The following NOX5 variants were observed in gnomAD, a reference collection of about 807,000 sequenced individuals.
NOX5 encodes NADPH oxidase 5, also known as NADPH oxidase, EF-hand calcium binding domain 5.
In NOX5, 76 loss-of-function variants were observed where a neutral mutation model predicts 85.7. The ratio of observed to expected loss-of-function variants is 0.89; its 90% CI spans 0.74 to 1.07. The LOEUF (loss-of-function observed/expected upper bound fraction) is 1.07, where lower values mean the gene tolerates loss of function less well. NOX5 is among the 50% of genes least tolerant of loss of function. The pLI is 0.00. For synonymous variants in NOX5, 405 were observed against 401.4 expected, an observed-to-expected ratio of 1.01 and a Z score of -0.11; for missense variants, 973 against 999.5, an observed-to-expected ratio of 0.97 and a Z score of 0.36.
chr15:69,050,102 A>G (rs1047886921), intron 14 of NOX5, among the ~76,000 whole-genome samples: 1 of 152,152 alleles, frequency 6.6e-6, no homozygotes, highest in African/African-American at 2.4e-5. Context: ...GTTCCGTCTG[A>G]CGTCTTTCAC....
intron 10 of NOX5, chr15:69,046,122 A>G (rs978597872): frequency 6.6e-6 from 1 of 152,250 alleles, no homozygotes; most frequent in Admixed American, 6.5e-5. Flanking sequence ...TGCTTCCTTC[A>G]CCTTCCAGAA....
At chr15:69,019,206 C>T (rs929146018) in intron 1 of NOX5, among the ~76,000 whole-genome samples, 3 of 152,144 alleles carry the variant, frequency 2.0e-5, no homozygotes, top group Non-Finnish European at 4.4e-5. Flanking sequence ...ACGAGGTACT[C>T]CCTCCTCCTC....
At position 69,026,627 on chromosome 15, in the gene NOX5, C is replaced by G. The variant is rs1025861875; in HGVS notation, c.150C>G (p.Phe50Leu). The G allele has an allele frequency of 3.7e-6, 6 of 1,614,030 alleles. No homozygotes were observed. In the East Asian group the frequency reaches 1.3e-4, roughly 36 times the overall value. Residue 50 changes from phenylalanine to leucine, a missense_variant, in exon 2 of 16, where the codon TTC becomes TTG. Coordinates refer to ENST00000388866, the MANE Select transcript of NOX5 (RefSeq NM_024505.4). ...GEDGEISLQE[F>L]KAALHVKESF... ...ATGGGGAGATCAGCCTGCAAGAATT[C>G]AAAGCAGCTCTGCATGTGAAAGAGG...
At chr15:69,054,093 C>G (rs531280065) in intron 14 of NOX5, among the ~76,000 whole-genome samples, 1 of 152,264 alleles carries the variant, frequency 6.6e-6, no homozygotes, top group Non-Finnish European at 1.5e-5. Flanking sequence ...AGGTGATCGT[C>G]AGTCAGCTCA....
At chr15:69,022,542 C>T in intron 1 of NOX5, 1 of 169,440 alleles carries the variant, frequency 5.9e-6, no homozygotes, top group Non-Finnish European at 1.3e-5. Context: ...TTCTGATAAA[C>T]ACAGCACCTC....
chr15:69,046,281 G>T (rs565136981), intron 10 of NOX5: 1 of 152,826 alleles, frequency 6.5e-6, no homozygotes, highest in African/African-American at 2.4e-5. Flanking sequence ...GTGAGCCAGG[G>T]GAGGCCCTGG....
chr15:69,055,406 A>C lies in NOX5; in HGVS notation c.2072A>C (p.Gln691Pro). The C allele has an allele frequency of 1.2e-6, 2 of 1,614,228 alleles. No homozygotes were observed. Among genetic ancestry groups the C allele is most frequent in the South Asian group, 1.1e-5 (1 of 91,084 alleles). Residue 691 changes from glutamine to proline, a missense_variant, in exon 15 of 16, where the codon CAG becomes CCG. Gln to Pro is a moderately conservative substitution (Grantham distance 76). Coordinates refer to ENST00000388866, the MANE Select transcript of NOX5 (RefSeq NM_024505.4). ...GKNDMKAIGL[Q>P]MALDLLANKE... ...AATGACATGAAGGCCATTGGCCTGC[A>C]GATGGCCCTTGACCTCCTGGCCAAC...
chr15:69,045,568 C>CTTTCTTTCTTTCTTTG (rs1555437242), intron 10 of NOX5, among the ~76,000 whole-genome samples: 1 of 48,374 alleles, frequency 2.1e-5, no homozygotes, highest in Non-Finnish European at 4.0e-5. Flanking sequence ...TTCTTTCTTT[C>CTTTCTTTCTTTCTTTG]TTCCCTTTCT....
At chr15:69,046,124 C>A (rs925746438) in intron 10 of NOX5, 2 of 152,356 alleles carry the variant, frequency 1.3e-5, no homozygotes, top group African/African-American at 4.8e-5. Flanking sequence ...CTTCCTTCAC[C>A]TTCCAGAAGG....
Position 69,049,025 on chromosome 15 carries a change from C to G in NOX5, c.1966C>G (p.Leu656Val). 6.2e-7 allele frequency: 1 copy of G among 1,612,758 alleles called. No homozygotes were observed. Among genetic ancestry groups the G allele is most frequent in the Middle Eastern group, 1.7e-4 (1 of 5,990 alleles). ...FEWFVSLLTKLEMDQAEEAQY... is the reference protein window; with the variant it reads ...FEWFVSLLTKVEMDQAEEAQY... ...GTGGTTTGTGAGCCTGCTGACTAAACTGGAGATGGACCAGGCCGAGGAGGC... is the reference window on the plus strand; with the variant it reads ...GTGGTTTGTGAGCCTGCTGACTAAAGTGGAGATGGACCAGGCCGAGGAGGC... Residue 656 changes from leucine (L) to valine (V), a missense_variant, in exon 14 of 16, where the codon CTG becomes GTG. By Grantham distance (32) the Leu-to-Val change is conservative. Coordinates refer to ENST00000388866, the MANE Select transcript of NOX5 (RefSeq NM_024505.4).
At position 69,035,443 on chromosome 15, in the gene NOX5, G is replaced by T. The variant is rs1184488444; in HGVS notation, c.945G>T (p.Gln315His). 1.2e-6 allele frequency: 2 copies of T among 1,614,208 alleles called. No homozygotes were observed. Among genetic ancestry groups the T allele is most frequent in the Non-Finnish European group, 1.7e-6 (2 of 1,180,034 alleles). Residue 315 changes from glutamine to histidine, a missense_variant, in exon 6 of 16, where the codon CAG becomes CAT. Coordinates refer to ENST00000388866, the MANE Select transcript of NOX5 (RefSeq NM_024505.4). Reference sequence around the variant, plus strand: ...TGGACCAGAACATCCAGTTCCACCAGCTTATGGGCTACGTGGTAGTGGGGC... The same window carrying T: ...TGGACCAGAACATCCAGTTCCACCATCTTATGGGCTACGTGGTAGTGGGGC... ...LPLDQNIQFHQLMGYVVVGLS... is the reference protein window; with the variant it reads ...LPLDQNIQFHHLMGYVVVGLS...
rs370279522 is a variant in NOX5 at position 69,055,338 on chromosome 15, C to T, written c.2004C>T (p.Arg668=). The T allele has an allele frequency of 6.2e-7, 1 of 1,613,842 alleles. No individual in the cohort carries two copies. The highest frequency in any genetic ancestry group is 2.2e-5 in the East Asian group (1 of 44,852). The change falls in exon 15 of 16, where the codon CGC becomes CGT. Residue 668 remains arginine (R), a synonymous_variant. Transcript: ENST00000388866. The stretch of plus-strand genomic sequence containing the variant: ...CCCTTGTCCCCTGCCCAACAGGCCG[C>T]TTCCTGGAGCTGCATATGTACATGA... The part of the protein sequence containing the change: ...MDQAEEAQYG[R]FLELHMYMTS...
rs1230127948 is a variant in NOX5 at position 69,031,603 on chromosome 15, C to A, written c.411C>A (p.Gly137=). 1.9e-6 allele frequency: 3 copies of A among 1,613,222 alleles called. No individual in the cohort carries two copies. The highest frequency in any genetic ancestry group is 2.2e-5 in the East Asian group (1 of 44,878). ...PHWASSPLGT[G]SGSIDPDELR... The stretch of plus-strand genomic sequence containing the variant: ...GGGCTTCATCCCCACTCGGGACAGG[C>A]AGTGGCTCCATTGACCCGGATGAGC... Residue 137 remains glycine, a synonymous_variant, in exon 4 of 16, where the codon GGC becomes GGA. Transcript: ENST00000388866.
chr15:69,039,052 A>G, intron 9 of NOX5, 63 bp downstream of exon 9: 1 of 1,574,962 alleles, frequency 6.3e-7, no homozygotes, highest in African/African-American at 1.3e-5. Flanking sequence ...TGGGCCAAGT[A>G]CAGGCTGGAA....
chr15:69,026,605 G>C lies in NOX5; in HGVS notation c.128G>C (p.Gly43Ala). The change falls in exon 2 of 16, where the codon GGG becomes GCG. Residue 43 changes from glycine (G) to alanine (A), a missense_variant. Physicochemically the swap from Gly to Ala is moderately conservative, Grantham distance 60 (BLOSUM62 0). Coordinates refer to ENST00000388866, the MANE Select transcript of NOX5 (RefSeq NM_024505.4). ...TTTAAGACCATTGCAGGAGAAGATG[G>C]GGAGATCAGCCTGCAAGAATTCAAA... Reference protein sequence around the residue: ...QQFKTIAGEDGEISLQEFKAA... With the variant: ...QQFKTIAGEDAEISLQEFKAA... 6.2e-7 allele frequency: 1 copy of C among 1,614,184 alleles called. No individual in the cohort carries two copies. The highest frequency in any genetic ancestry group is 2.2e-5 in the East Asian group (1 of 44,874).
chr15:69,032,450 G>A (rs2050449226), intron 4 of NOX5, among the ~76,000 whole-genome samples: 1 of 147,616 alleles, frequency 6.8e-6, no homozygotes, highest in South Asian at 2.2e-4. Context: ...TCACTCTGTC[G>A]CCCAGGCTGG....
chr15:69,042,768 G>C lies in NOX5; in HGVS notation c.1610G>C (p.Arg537Thr). 2 of 1,614,160 alleles carry C rather than the reference G, an allele frequency of 1.2e-6. No homozygotes were observed. Among genetic ancestry groups the C allele is most frequent in the Non-Finnish European group, 1.7e-6 (2 of 1,180,008 alleles). ...PLGRGSKRLS[R>T]SVTMRKSQRS... is the part of the protein sequence containing the mutation. The stretch of plus-strand genomic sequence containing the variant: ...GGCCGTGGTTCTAAGAGGCTGTCGA[G>C]GAGTGTGACAATGAGAAAGAGTCAA... Residue 537 changes from arginine (R) to threonine (T), a missense_variant, in exon 10 of 16, where the codon AGG becomes ACG. By Grantham distance (71) the Arg-to-Thr change is moderately conservative. Transcript: ENST00000388866.
Position 69,031,682 on chromosome 15 carries a change from G to T in NOX5, c.490G>T (p.Glu164Ter). Residue 164 changes from glutamate to a stop codon, truncating the protein, a stop_gained, in exon 4 of 16, where the codon GAG becomes TAG. Transcript: ENST00000388866. LOFTEE classifies it high-confidence loss of function. ...LRESAISLPD[E>*]KLDQLTLALF... Reference sequence around the variant, plus strand: ...CGAGAGCGCCATCTCGCTGCCTGACGAGAAGCTGGACCAGCTGACGCTGGC... The same window carrying T: ...CGAGAGCGCCATCTCGCTGCCTGACTAGAAGCTGGACCAGCTGACGCTGGC... 6.2e-7 allele frequency: 1 copy of T among 1,613,268 alleles called. No individual in the cohort carries two copies. Among genetic ancestry groups the T allele is most frequent in the Non-Finnish European group, 8.5e-7 (1 of 1,179,884 alleles).
intron 7 of NOX5, among the ~76,000 whole-genome samples, chr15:69,036,158 G>A (rs2050514218): frequency 6.6e-6 from 1 of 152,134 alleles, no homozygotes. Flanking sequence ...CTTTTTGCTG[G>A]CTTATCCCTT....
Sources: allele counts gnomAD v4.1 joint callset (sites outside exome capture counted in the v4.1 genomes callset), GRCh38; gene constraint gnomAD v4.1.1; transcripts MANE v1.5; gene names NCBI Gene and HGNC (gene_info 2026-07-23, HGNC 2026-07-21).